PKP2: variants seen among roughly 807,000 people sequenced by gnomAD.
PKP2 encodes the protein plakophilin-2.
A neutral mutation model predicts 83.4 loss-of-function variants in PKP2; 73 were observed. That is an observed-to-expected ratio of 0.88 (90% CI 0.72 to 1.06). The LOEUF (loss-of-function observed/expected upper bound fraction) is 1.06. Among genes scored for constraint, PKP2 ranks in the 50% least tolerant of loss-of-function variants. The probability of loss-of-function intolerance (pLI) is 0.00; values close to 1 mark genes in which losing one functional copy is unlikely to be tolerated. For missense variants in PKP2, 966 were observed against 1,065.4 expected (o/e 0.91, Z 1.30); for synonymous variants, 409 against 430.4 (o/e 0.95, Z 0.62).
At chr12:32,844,712 G>A (rs1956631113) in intron 5 of PKP2, among the ~76,000 whole-genome samples, 1 of 152,190 alleles carries the variant, frequency 6.6e-6, no homozygotes, top group African/African-American at 2.4e-5. Context: ...GAAAGTAGAT[G>A]AGGGCTTTTA....
rs1024342290 is a variant in PKP2 at position 32,791,780 on chromosome 12, A to G, written c.*644T>C. On this transcript the variant is annotated 3_prime_UTR_variant, in exon 13 of 13. Transcript: ENST00000340811. The stretch of plus-strand genomic sequence containing the variant: ...GAGGAAAAGACTTCTTTAATTTGCT[A>G]TGATCACTTCCTCTCAATTTCTTTT... 2.6e-5 allele frequency: 4 copies of G among 152,228 alleles called. No individual in the cohort carries two copies. The highest frequency in any genetic ancestry group is 9.7e-5 in the African/African-American group (4 of 41,448). The allele number at this position is 152,228 out of a possible 1,614,324, so 9.4% of individuals were successfully genotyped here. A position where few individuals can be genotyped will look rare whatever the true frequency, so the allele number is the denominator to read the frequency against.
At chr12:32,839,377 T>C (rs1264050186) in intron 6 of PKP2, among the ~76,000 whole-genome samples, 5 of 148,968 alleles carry the variant, frequency 3.4e-5, no homozygotes, top group Admixed American at 3.3e-4. Context: ...ATGTGCACTT[T>C]TTTTTTTTTT....
chr12:32,823,978 C>T lies in PKP2; in HGVS notation c.1674+67G>A, dbSNP rs117064279. The T allele has an allele frequency of 2.1e-4, 196 of 950,382 alleles. 1 individual carries two copies. The East Asian group carries it at 2.7e-3, about 13-fold the overall frequency. The allele number at this position is 950,382 out of a possible 1,614,324, so 58.9% of individuals were successfully genotyped here. On this transcript the variant is annotated intron_variant, in intron 7 of 12. Coordinates refer to ENST00000340811, the MANE Select transcript of PKP2 (RefSeq NM_001005242.3). ...ATCAGTGAATAAACCTAAAACCAAGCGGCTATCTTAAGAATATTCTGAAGC... is the reference window on the plus strand; with the variant it reads ...ATCAGTGAATAAACCTAAAACCAAGTGGCTATCTTAAGAATATTCTGAAGC...
intron 10 of PKP2, among the ~76,000 whole-genome samples, chr12:32,800,552 C>T (rs1287436955): frequency 6.6e-6 from 1 of 152,224 alleles, no homozygotes; most frequent in Non-Finnish European, 1.5e-5. Context: ...TGCTACTTTA[C>T]AGCTCTATGG....
chr12:32,815,880 G>A (rs1385054493), intron 9 of PKP2, among the ~76,000 whole-genome samples: 2 of 152,180 alleles, frequency 1.3e-5, no homozygotes, highest in East Asian at 3.8e-4. Context: ...AATGCCTGAA[G>A]TAGGATGACC....
chr12:32,877,200 T>A (rs1956940182), intron 3 of PKP2, among the ~76,000 whole-genome samples: 1 of 152,218 alleles, frequency 6.6e-6, no homozygotes, highest in Non-Finnish European at 1.5e-5. Flanking sequence ...AAATTTGTGA[T>A]CAGGCATTAA....
At chr12:32,820,156 T>C (rs1167189432) in intron 9 of PKP2, 1 of 152,264 alleles carries the variant, frequency 6.6e-6, no homozygotes, top group East Asian at 1.9e-4. Context: ...GGTTTTAGCA[T>C]TTCACAATTT....
chr12:32,801,842 AAT>A (rs1384319404), intron 10 of PKP2, among the ~76,000 whole-genome samples: 1 of 152,188 alleles, frequency 6.6e-6, no homozygotes, highest in African/African-American at 2.4e-5. Context: ...TCAAAGGCAA[AAT>A]ATGTCTCATC....
At chr12:32,868,128 T>C (rs1956865179) in intron 4 of PKP2, among the ~76,000 whole-genome samples, 1 of 152,230 alleles carries the variant, frequency 6.6e-6, no homozygotes, top group South Asian at 2.1e-4. Flanking sequence ...TGTAGTGACT[T>C]ACTTTCTACA....
intron 9 of PKP2, among the ~76,000 whole-genome samples, chr12:32,811,349 T>C (rs189812645): frequency 6.6e-6 from 1 of 152,370 alleles, no homozygotes; most frequent in African/African-American, 2.4e-5. Flanking sequence ...GAGGCAATGA[T>C]GCCAAAACAG....
chr12:32,792,865 G>A (rs1431208240), intron 11 of PKP2, 134 bp from the exon 12 acceptor site: 5 of 736,540 alleles, frequency 6.8e-6, no homozygotes, highest in East Asian at 2.6e-5. Flanking sequence ...CAGGCCACTC[G>A]GTGACCAGAC....
intron 9 of PKP2, among the ~76,000 whole-genome samples, chr12:32,819,641 T>C (rs1365318014): frequency 2.6e-5 from 4 of 152,248 alleles, no homozygotes; most frequent in Non-Finnish European, 2.9e-5. Flanking sequence ...GTGTCTGTTA[T>C]GTAATATGCT....
At chr12:32,854,940 C>T (rs982959031) in intron 4 of PKP2, among the ~76,000 whole-genome samples, 5 of 152,198 alleles carry the variant, frequency 3.3e-5, no homozygotes, top group African/African-American at 7.2e-5. Flanking sequence ...GTCCACTCTG[C>T]CTCTCTTCTG....
intron 3 of PKP2, 80 bp from the exon 4 acceptor site, chr12:32,869,142 C>T (rs1428166125): frequency 1.9e-5 from 29 of 1,512,834 alleles, no homozygotes; most frequent in Non-Finnish European, 2.4e-5. Flanking sequence ...AGAGACGACT[C>T]AGCGAATACT....
At chr12:32,822,400 T>C in intron 8 of PKP2, 67 bp downstream of exon 8, 1 of 1,339,724 alleles carries the variant, frequency 7.5e-7, no homozygotes, top group Non-Finnish European at 1.1e-6. Flanking sequence ...GACATACACA[T>C]ATACACAAAC....
In PKP2 at chr12:32,870,434, A is replaced by G. The variant is rs556005499; in HGVS notation, c.1035-1372T>C. ...TAAGTATAAAGGGTATTAAAAGTGA[A>G]GCAGAAAATCTCTGGCATCTATACT... On this transcript the variant is annotated intron_variant, in intron 3 of 12. Transcript: ENST00000340811. Among the ~76,000 whole-genome samples, 21 of 152,262 alleles carry G rather than the reference A, an allele frequency of 1.4e-4. No individual in the cohort carries two copies. The South Asian group carries it at 3.1e-3, about 23-fold the overall frequency.
In PKP2 at chr12:32,824,538, C is replaced by A. The variant is rs566168362; in HGVS notation, c.1557-376G>T. 5 of 249,536 alleles carry A rather than the reference C, an allele frequency of 2.0e-5. No homozygotes were observed. In the East Asian group the frequency reaches 5.1e-4, roughly 26 times the overall value. The allele number at this position is 249,536 out of a possible 1,614,324, so 15.5% of individuals were successfully genotyped here. On this transcript the variant is annotated intron_variant, in intron 6 of 12. Transcript: ENST00000340811. ...ATACTGGATGCCAAGTCCCAATTTGCCCCATGTTTTAACTTTAAGTAACTT... is the reference window on the plus strand; with the variant it reads ...ATACTGGATGCCAAGTCCCAATTTGACCCATGTTTTAACTTTAAGTAACTT...
At chr12:32,858,293 C>T (rs903156423) in intron 4 of PKP2, among the ~76,000 whole-genome samples, 1 of 150,194 alleles carries the variant, frequency 6.7e-6, no homozygotes, top group African/African-American at 2.5e-5. Context: ...AACAGAACAA[C>T]ACCCTGTCTC....
rs1956059039 is a variant in PKP2 at position 32,790,847 on chromosome 12, CT to C, written c.*1576del. 6.6e-6 allele frequency: 1 copy of C among 152,114 alleles called. No homozygotes were observed. The highest frequency in any genetic ancestry group is 2.4e-5 in the African/African-American group (1 of 41,428). 9.4% of individuals were successfully genotyped at this position (152,114 alleles called of 1,614,324 possible). On this transcript the variant is annotated 3_prime_UTR_variant, in exon 13 of 13. Coordinates refer to ENST00000340811, the MANE Select transcript of PKP2 (RefSeq NM_001005242.3). ...TTTATTATCTGGAGGAATAAATGCA[CT>C]CCAAATGCTTATCATCAGAACTCTG...
Sources: allele counts gnomAD v4.1 joint callset (sites outside exome capture counted in the v4.1 genomes callset), GRCh38; gene constraint gnomAD v4.1.1; transcripts MANE v1.5; gene names NCBI Gene and HGNC (gene_info 2026-07-23, HGNC 2026-07-21).